The following ZNF782 variants were observed in gnomAD, a reference collection of about 807,000 sequenced individuals.
ZNF782 encodes the protein zinc finger protein 782.
In ZNF782, 12 loss-of-function variants were observed where a neutral mutation model predicts 13.0. The ratio of observed to expected loss-of-function variants is 0.92; its 90% CI spans 0.59 to 1.50. ZNF782 has a LOEUF of 1.50. Ranked by LOEUF, ZNF782 falls within the 40% of genes most tolerant of loss-of-function variation. The probability of loss-of-function intolerance (pLI) is 0.00; values close to 1 mark genes in which losing one functional copy is unlikely to be tolerated. For missense variants in ZNF782, 770 were observed against 822.9 expected, an observed-to-expected ratio of 0.94 and a Z score of 0.79; for synonymous variants, 284 against 283.0, an observed-to-expected ratio of 1.00 and a Z score of -0.04.
At chr9:96,886,651 G>A in the ZNF782 span, among the ~76,000 whole-genome samples, 2 of 152,130 alleles carry the variant, frequency 1.3e-5, no homozygotes, top group East Asian at 1.9e-4. Flanking sequence ...GCCTGGGCAT[G>A]GTGGCTCATG....
At chr9:96,861,316 G>A (rs934304773) in intron 2 of ZNF782, among the ~76,000 whole-genome samples, 2 of 152,184 alleles carry the variant, frequency 1.3e-5, no homozygotes, top group Non-Finnish European at 2.9e-5. Flanking sequence ...CCCACAGAAT[G>A]GGGGAAGATA....
intron 2 of ZNF782, among the ~76,000 whole-genome samples, chr9:96,861,170 T>A (rs1168647870): frequency 6.6e-6 from 1 of 152,190 alleles, no homozygotes; most frequent in East Asian, 1.9e-4. Context: ...CTCTCCAGGA[T>A]ATTGGACTGG....
At position 96,816,662 on chromosome 9, in the gene ZNF782, TATG is replaced by T. The variant is rs1405906957; in HGVS notation, c.*1258_*1260del. ...CCTTGTAACAAGCTCTGATATAAAA[TATG>T]ATAATTTGTTGAAAACTTTTACACA... is the stretch of plus-strand genomic sequence containing the variant. On this transcript the variant is annotated 3_prime_UTR_variant, in exon 6 of 6. Transcript: ENST00000481138. 9 of 152,358 alleles carry T rather than the reference TATG, an allele frequency of 5.9e-5. No individual in the cohort carries two copies. In the South Asian group the frequency reaches 8.3e-4, roughly 14 times the overall value. The allele number at this position is 152,358 out of a possible 1,614,324, so 9.4% of individuals were successfully genotyped here.
chr9:96,931,137 C>A, the ZNF782 span, among the ~76,000 whole-genome samples: 1 of 152,078 alleles, frequency 6.6e-6, no homozygotes, highest in Admixed American at 6.5e-5. Context: ...ATCCACCCGC[C>A]TGGGCCTCCC....
At chr9:96,865,992 CT>C (rs1445509507) in intron 1 of ZNF782, among the ~76,000 whole-genome samples, 2 of 152,080 alleles carry the variant, frequency 1.3e-5, no homozygotes, top group Non-Finnish European at 2.9e-5. Context: ...TTGGGTGTTG[CT>C]AAAGGCATTC....
the ZNF782 span, chr9:96,910,102 C>G: frequency 1.6e-6 from 1 of 641,550 alleles, no homozygotes; most frequent in South Asian, 1.4e-5. Context: ...TAGACACCAG[C>G]TCTGAAATCA....
intron 3 of ZNF782, among the ~76,000 whole-genome samples, chr9:96,849,943 T>C (rs1475232830): frequency 6.6e-6 from 1 of 152,040 alleles, no homozygotes; most frequent in Non-Finnish European, 1.5e-5. Flanking sequence ...AAATGCAAAT[T>C]GAAACCACCA....
chr9:96,932,566 C>T, the ZNF782 span: 14 of 1,287,380 alleles, frequency 1.1e-5, no homozygotes, highest in Admixed American at 2.0e-5. Context: ...TTTTCAGCAA[C>T]ATTAATCTGG....
chr9:96,841,549 A>G (rs1851189356), intron 4 of ZNF782, among the ~76,000 whole-genome samples: 2 of 151,968 alleles, frequency 1.3e-5, no homozygotes, highest in Non-Finnish European at 2.9e-5. Context: ...GTTTATTCCA[A>G]GTATATAAGG....
chr9:96,892,080 G>T, the ZNF782 span: 2 of 152,192 alleles, frequency 1.3e-5, no homozygotes, highest in South Asian at 4.1e-4. Flanking sequence ...AATCAGGGGG[G>T]CTATAGGGAA....
intron 4 of ZNF782, among the ~76,000 whole-genome samples, chr9:96,829,282 T>G (rs191118405): frequency 6.6e-6 from 1 of 152,204 alleles, no homozygotes; most frequent in African/African-American, 2.4e-5. Flanking sequence ...ATTCTTGGAA[T>G]TCTTTTCTTT....
chr9:96,910,849 T>G, the ZNF782 span, among the ~76,000 whole-genome samples: 3 of 149,814 alleles, frequency 2.0e-5, no homozygotes, highest in East Asian at 2.0e-4. Context: ...TGTTAGCCAG[T>G]ATGGTCTCGA....
At chr9:96,871,319 G>A (rs763762398) in intron 1 of ZNF782, among the ~76,000 whole-genome samples, 3 of 150,970 alleles carry the variant, frequency 2.0e-5, no homozygotes, top group Non-Finnish European at 4.4e-5. Context: ...GTCTCAGTAT[G>A]TTACCCAATG....
chr9:96,827,523 G>A (rs912020868), intron 4 of ZNF782, among the ~76,000 whole-genome samples: 3 of 152,052 alleles, frequency 2.0e-5, no homozygotes, highest in African/African-American at 7.2e-5. Flanking sequence ...TGTAAAGATA[G>A]AGTCGAATTC....
the ZNF782 span, among the ~76,000 whole-genome samples, chr9:96,913,800 C>T: frequency 5.7e-3 from 861 of 151,380 alleles, 9 homozygotes; most frequent in African/African-American, 0.02. Flanking sequence ...GCGGGGATTA[C>T]AGAACATTAA....
chr9:96,840,735 G>T (rs977435861), intron 4 of ZNF782, among the ~76,000 whole-genome samples: 1 of 152,014 alleles, frequency 6.6e-6, no homozygotes, highest in South Asian at 2.1e-4. Flanking sequence ...TTAGTAACCC[G>T]ATATGCAATT....
At chr9:96,822,350 G>A (rs1850451223) in intron 5 of ZNF782, among the ~76,000 whole-genome samples, 1 of 152,208 alleles carries the variant, frequency 6.6e-6, no homozygotes, top group Admixed American at 6.5e-5. Flanking sequence ...ATTCTTTTTA[G>A]TGGGTTATAA....
At chr9:96,821,562 A>G (rs1207524721) in intron 5 of ZNF782, among the ~76,000 whole-genome samples, 1 of 152,244 alleles carries the variant, frequency 6.6e-6, no homozygotes, top group Non-Finnish European at 1.5e-5. Flanking sequence ...ATGATTTTTT[A>G]AGAAAAAATT....
the ZNF782 span, chr9:96,910,360 T>C: frequency 1.7e-6 from 1 of 596,592 alleles, no homozygotes; most frequent in Non-Finnish European, 3.2e-6. Context: ...ATGATGAGGA[T>C]GATGATGTCG....
Sources: allele counts gnomAD v4.1 joint callset (sites outside exome capture counted in the v4.1 genomes callset), GRCh38; gene constraint gnomAD v4.1.1; transcripts MANE v1.5; gene names NCBI Gene and HGNC (gene_info 2026-07-23, HGNC 2026-07-21).